The following RNF212B variants were observed in gnomAD, a reference collection of about 807,000 sequenced individuals.
The protein encoded by RNF212B is ring finger protein 212B.
A neutral mutation model predicts 55.5 loss-of-function variants in RNF212B; 52 were observed. The ratio of observed to expected loss-of-function variants is 0.94; its 90% CI spans 0.75 to 1.18. The LOEUF is 1.18. RNF212B is among the 50% of genes most tolerant of loss of function. The probability of loss-of-function intolerance (pLI) is 0.00; values close to 1 mark genes in which losing one functional copy is unlikely to be tolerated. For missense variants in RNF212B, 289 were observed against 350.4 expected (o/e 0.82, Z 1.40); for synonymous variants, 99 against 121.4 (o/e 0.82, Z 1.21).
rs1213312425 is a variant in RNF212B, at chr14:23,269,934, C to A, written c.746C>A (p.Thr249Lys). 6.5e-7 allele frequency: 1 copy of A among 1,546,780 alleles called. No individual in the cohort carries two copies. The highest frequency in any genetic ancestry group is 8.7e-7 in the Non-Finnish European group (1 of 1,143,562). ...RPSPNGHSGH[T>K]RVLTPNNFAQ... ...TCCCCAAATGGGCATTCAGGCCACA[C>A]AAGAGTCCTCACCCCCAACAATTTT... The change falls in exon 13 of 15, where the codon ACA becomes AAA. Residue 249 changes from threonine (T) to lysine (K), a missense_variant. Physicochemically the swap from Thr to Lys is moderately conservative, Grantham distance 78. Coordinates refer to ENST00000430154, the MANE Select transcript of RNF212B (RefSeq NM_001282322.3).
At chr14:23,199,790 A>T (rs1326136345) in intron 2 of RNF212B, among the ~76,000 whole-genome samples, 5 of 152,228 alleles carry the variant, frequency 3.3e-5, no homozygotes, top group African/African-American at 9.6e-5. Context: ...TATAGTCAGT[A>T]GGCAGGTATG....
chr14:23,201,832 C>G (rs1473301954), intron 2 of RNF212B, among the ~76,000 whole-genome samples: 5 of 152,018 alleles, frequency 3.3e-5, no homozygotes, highest in Admixed American at 6.6e-5. Context: ...AACCTGAAGC[C>G]CTAATAAAAA....
chr14:23,217,147 C>A (rs1178747580), intron 2 of RNF212B, among the ~76,000 whole-genome samples: 1 of 151,868 alleles, frequency 6.6e-6, no homozygotes, highest in Non-Finnish European at 1.5e-5. Context: ...AGTCTTAGGC[C>A]TGGCAGAATT....
intron 2 of RNF212B, among the ~76,000 whole-genome samples, chr14:23,202,582 T>TG (rs2140371534): frequency 6.6e-6 from 1 of 152,308 alleles, no homozygotes; most frequent in East Asian, 1.9e-4. Context: ...CTGGGCGTGA[T>TG]GGCTCACGCC....
At position 23,244,404 on chromosome 14, in the gene RNF212B, A is replaced by G; in HGVS notation, c.228+8A>G. On this transcript the variant is annotated splice_region_variant and intron_variant, in intron 4 of 14. Transcript: ENST00000430154. ...TTTAGTCACATCTCTCAGGTATGAG[A>G]AACAAAAGTGAAGAAAATCTGACTC... is the stretch of plus-strand genomic sequence containing the variant. The G allele has an allele frequency of 6.6e-7, 1 of 1,504,412 alleles. No individual in the cohort carries two copies. Among genetic ancestry groups the G allele is most frequent in the Non-Finnish European group, 8.9e-7 (1 of 1,117,784 alleles). 93.2% of individuals were successfully genotyped at this position (1,504,412 alleles called of 1,614,324 possible).
intron 2 of RNF212B, among the ~76,000 whole-genome samples, chr14:23,231,921 C>T (rs28404192): frequency 8.6e-5 from 13 of 150,384 alleles, no homozygotes; most frequent in South Asian, 2.1e-4. Flanking sequence ...GGATTGCAGA[C>T]GGAGTCTCGT....
chr14:23,226,540 A>G (rs1211417603), intron 2 of RNF212B, among the ~76,000 whole-genome samples: 3 of 151,872 alleles, frequency 2.0e-5, no homozygotes, highest in Non-Finnish European at 4.4e-5. Flanking sequence ...CTGAGGCAGG[A>G]GAATGGGGTG....
At chr14:23,198,295 G>T (rs751172498) in intron 2 of RNF212B, among the ~76,000 whole-genome samples, 2 of 152,022 alleles carry the variant, frequency 1.3e-5, no homozygotes, top group African/African-American at 2.4e-5. Flanking sequence ...ATAACTCAAG[G>T]CCATTATCAC....
intron 11 of RNF212B, among the ~76,000 whole-genome samples, chr14:23,267,876 T>C (rs757827872): frequency 2.0e-5 from 3 of 152,248 alleles, no homozygotes; most frequent in Non-Finnish European, 4.4e-5. Context: ...TTGTAGACTG[T>C]GCATAGTTGG....
At chr14:23,222,288 A>G (rs1881640834) in intron 2 of RNF212B, among the ~76,000 whole-genome samples, 1 of 152,118 alleles carries the variant, frequency 6.6e-6, no homozygotes, top group South Asian at 2.1e-4. Context: ...AAATAAAATC[A>G]GAGAAGAAAA....
chr14:23,258,689 A>T, intron 5 of RNF212B, 25 bp downstream of exon 5: 6 of 951,794 alleles, frequency 6.3e-6, no homozygotes, highest in Non-Finnish European at 9.0e-6. Context: ...AAGTCCCAAG[A>T]GAGCTTTTTT....
intron 1 of RNF212B, among the ~76,000 whole-genome samples, chr14:23,190,272 T>G (rs1878000468): frequency 6.6e-6 from 1 of 152,170 alleles, no homozygotes; most frequent in African/African-American, 2.4e-5. Context: ...AGTCCTAATC[T>G]CTTGCATAAA....
chr14:23,196,570 G>C (rs574854306), intron 2 of RNF212B, among the ~76,000 whole-genome samples: 4 of 152,308 alleles, frequency 2.6e-5, no homozygotes, highest in South Asian at 4.1e-4. Flanking sequence ...CTCCTGAGTA[G>C]CTAGGACTAC....
At chr14:23,269,826 C>T (rs958681448) in intron 12 of RNF212B, 37 bp from the exon 13 acceptor site, 18 of 1,174,206 alleles carry the variant, frequency 1.5e-5, no homozygotes, top group Non-Finnish European at 2.1e-5. Context: ...CTTTACCTGT[C>T]CTTTTCTCTG....
chr14:23,193,985 G>A (rs1055117569), intron 2 of RNF212B, among the ~76,000 whole-genome samples: 8 of 152,110 alleles, frequency 5.3e-5, no homozygotes, highest in Non-Finnish European at 7.4e-5. Flanking sequence ...GGGATTACAG[G>A]AGCCTGCCGC....
At chr14:23,234,657 C>T (rs965089644), upstream of RNF212B, among the ~76,000 whole-genome samples, 3 of 152,220 alleles carry the variant, frequency 2.0e-5, no homozygotes, top group African/African-American at 7.2e-5. Context: ...TTGGTCTACA[C>T]GTTTATGCAC....
intron 2 of RNF212B, among the ~76,000 whole-genome samples, chr14:23,216,879 C>CAAA (rs59923716): frequency 0.14 from 6,641 of 48,702 alleles, 1,927 homozygotes; most frequent in African/African-American, 0.2. Context: ...GACCCTGTCT[C>CAAA]AAAAAAAAAA....
At chr14:23,223,576 C>T (rs1019360745) in intron 2 of RNF212B, among the ~76,000 whole-genome samples, 6 of 152,104 alleles carry the variant, frequency 3.9e-5, no homozygotes, top group Non-Finnish European at 5.9e-5. Context: ...AGGATGGTCT[C>T]GATCTCCTGA....
At chr14:23,230,653 C>CA (rs60122483) in intron 2 of RNF212B, among the ~76,000 whole-genome samples, 1,588 of 73,930 alleles carry the variant, frequency 0.021, 184 homozygotes, top group African/African-American at 0.033. Flanking sequence ...GACTCCATCT[C>CA]AAAAAAAAAA....
Sources: gnomAD v4.1 joint callset for allele counts (sites outside exome capture counted in the v4.1 genomes callset) on GRCh38, gnomAD v4.1.1 for gene constraint, MANE v1.5 for transcripts, NCBI Gene and HGNC (gene_info 2026-07-23, HGNC 2026-07-21) for gene names.